L3MBTL1: variants seen among roughly 807,000 people sequenced by gnomAD.
L3MBTL1 encodes L3MBTL histone methyl-lysine binding protein 1.
In L3MBTL1, 75 loss-of-function variants were observed where a neutral mutation model predicts 105.3. That is an observed-to-expected ratio of 0.71 (90% CI 0.59 to 0.86). The LOEUF is 0.86. Among genes scored for constraint, L3MBTL1 ranks in the 40% least tolerant of loss-of-function variants. L3MBTL1 has a pLI of 0.00. For missense variants in L3MBTL1, 1,069 were observed against 1,126.4 expected, an observed-to-expected ratio of 0.95 and a Z score of 0.73; for synonymous variants, 452 against 436.2, an observed-to-expected ratio of 1.04 and a Z score of -0.45.
intron 7 of L3MBTL1, among the ~76,000 whole-genome samples, chr20:43,521,561 A>G (rs1291359502): frequency 6.6e-6 from 1 of 152,218 alleles, no homozygotes; most frequent in Non-Finnish European, 1.5e-5. Flanking sequence ...CGTGAAGATC[A>G]AGAGTTGAAG....
chr20:43,541,224 A>G lies in L3MBTL1; in HGVS notation c.*96A>G. ...TGATTTACTGCAAGGATCCTAACAC[A>G]CACTTAAAATCAAGAGCCAAGGAGT... On this transcript the variant is annotated 3_prime_UTR_variant, in exon 22 of 22. Coordinates refer to ENST00000418998, the MANE Select transcript of L3MBTL1 (RefSeq NM_001377303.1). 3 of 1,523,680 alleles carry G rather than the reference A, an allele frequency of 2.0e-6. No homozygotes were observed. The highest frequency in any genetic ancestry group is 2.6e-6 in the Non-Finnish European group (3 of 1,137,774). The allele number at this position is 1,523,680 out of a possible 1,614,324, so 94.4% of individuals were successfully genotyped here.
chr20:43,536,782 G>A (rs1044029500), intron 19 of L3MBTL1, among the ~76,000 whole-genome samples: 2 of 152,188 alleles, frequency 1.3e-5, no homozygotes, highest in Admixed American at 6.5e-5. Flanking sequence ...CTGGGAAGGA[G>A]GCCATGGCCA....
At chr20:43,527,391 T>TA (rs2019088373) in intron 7 of L3MBTL1, among the ~76,000 whole-genome samples, 2 of 152,222 alleles carry the variant, frequency 1.3e-5, no homozygotes, top group South Asian at 4.1e-4. Context: ...TAACTGGATA[T>TA]TCTAGCCTTT....
chr20:43,541,142 C>A lies in L3MBTL1; in HGVS notation c.*14C>A. 1 of 1,607,858 alleles carries A rather than the reference C, an allele frequency of 6.2e-7. No individual in the cohort carries two copies. Among genetic ancestry groups the A allele is most frequent in the Non-Finnish European group, 8.5e-7 (1 of 1,175,076 alleles). Reference sequence around the variant, plus strand: ...AGTCAATATTAAAGTGTACTTTTTTCCCCTTTAATCCAATATAGTTGATAA... The same window carrying A: ...AGTCAATATTAAAGTGTACTTTTTTACCCTTTAATCCAATATAGTTGATAA... On this transcript the variant is annotated 3_prime_UTR_variant, in exon 22 of 22. Transcript: ENST00000418998.
At chr20:43,520,125 T>G (rs1023267045) in intron 7 of L3MBTL1, among the ~76,000 whole-genome samples, 6 of 152,180 alleles carry the variant, frequency 3.9e-5, no homozygotes, top group Admixed American at 2.0e-4. Flanking sequence ...TATACCAGAT[T>G]TGCCTATTTT....
At position 43,530,294 on chromosome 20, in the gene L3MBTL1, A is replaced by C. The variant is rs773025192; in HGVS notation, c.1067A>C (p.Tyr356Ser). Residue 356 changes from tyrosine (Y) to serine (S), a missense_variant, in exon 10 of 22, where the codon TAT becomes TCT. Tyr to Ser is a moderately radical substitution (Grantham distance 144). Coordinates refer to ENST00000418998, the MANE Select transcript of L3MBTL1 (RefSeq NM_001377303.1). ...CCCTCATGGGGCCAGGTATGTGGCTATCGCCTACGCCTGCACTTTGATGGG... is the reference window on the plus strand; with the variant it reads ...CCCTCATGGGGCCAGGTATGTGGCTCTCGCCTACGCCTGCACTTTGATGGG... ...FILTVAEVCG[Y>S]RLRLHFDGYS... The C allele has an allele frequency of 6.2e-7, 1 of 1,613,846 alleles. No homozygotes were observed. The highest frequency in any genetic ancestry group is 1.3e-5 in the African/African-American group (1 of 74,888).
At chr20:43,516,308 T>G (rs2018388993) in intron 7 of L3MBTL1, 131 bp downstream of exon 7, 1 of 688,906 alleles carries the variant, frequency 1.5e-6, no homozygotes, top group Middle Eastern at 2.4e-4. Context: ...TTAGTGTGTG[T>G]GAAAGAGAGA....
chr20:43,530,683 T>G, intron 10 of L3MBTL1, 115 bp from the exon 11 acceptor site: 3 of 1,010,390 alleles, frequency 3.0e-6, no homozygotes, highest in Non-Finnish European at 4.6e-6. Flanking sequence ...GGCAAGTTCT[T>G]GAGGGTTGGG....
At position 43,536,398 on chromosome 20, in the gene L3MBTL1, T is replaced by C; in HGVS notation, c.2124-11T>C. ...GATTCCCTGCCATGGACCTGGTCCGTCTTTCTCCAGAATTGGACGCCCTCC... is the reference window on the plus strand; with the variant it reads ...GATTCCCTGCCATGGACCTGGTCCGCCTTTCTCCAGAATTGGACGCCCTCC... On this transcript the variant is annotated splice_polypyrimidine_tract_variant and intron_variant, in intron 18 of 21. Transcript: ENST00000418998. The C allele has an allele frequency of 5.0e-6, 8 of 1,614,010 alleles. No homozygotes were observed. Among genetic ancestry groups the C allele is most frequent in the Non-Finnish European group, 6.8e-6 (8 of 1,180,030 alleles).
intron 18 of L3MBTL1, among the ~76,000 whole-genome samples, chr20:43,547,130 A>T (rs1600973285): frequency 9.3e-6 from 1 of 108,108 alleles, no homozygotes; most frequent in African/African-American, 3.7e-5. Flanking sequence ...TTTGAGACGG[A>T]GTCTCGCTCT....
intron 1 of L3MBTL1, 66 bp from the exon 2 acceptor site, chr20:43,513,410 C>T: frequency 6.8e-7 from 1 of 1,463,704 alleles, no homozygotes; most frequent in Non-Finnish European, 9.1e-7. Context: ...CATCCCTTCA[C>T]ATCTCCATTG....
At chr20:43,536,719 G>C (rs896052902) in intron 19 of L3MBTL1, among the ~76,000 whole-genome samples, 1 of 152,158 alleles carries the variant, frequency 6.6e-6, no homozygotes, top group Non-Finnish European at 1.5e-5. Context: ...GGGGCCTTTG[G>C]TTCTCACTGT....
chr20:43,517,228 A>C (rs893213851), intron 7 of L3MBTL1, among the ~76,000 whole-genome samples: 1 of 151,552 alleles, frequency 6.6e-6, no homozygotes, highest in Non-Finnish European at 1.5e-5. Flanking sequence ...TCTCCTGAGT[A>C]GCTGGGACTA....
chr20:43,539,754 A>C (rs1301994320), intron 19 of L3MBTL1: 1 of 302,414 alleles, frequency 3.3e-6, no homozygotes, highest in African/African-American at 2.2e-5. Context: ...AAGAGTAAAC[A>C]GAGTGGACTT....
intron 4 of L3MBTL1, 109 bp downstream of exon 4, chr20:43,514,885 G>A: frequency 6.9e-7 from 1 of 1,456,230 alleles, no homozygotes; most frequent in South Asian, 1.3e-5. Flanking sequence ...GGGTGGAGAA[G>A]GCTGGAGGAG....
At chr20:43,533,944 TGGG>T in intron 13 of L3MBTL1, 61 bp from the exon 14 acceptor site, 2 of 1,150,796 alleles carry the variant, frequency 1.7e-6, no homozygotes, top group South Asian at 2.5e-5. Context: ...TGGTCCTGCT[TGGG>T]GGCAGAGGGC....
At chr20:43,512,404 T>C (rs2018155799) in intron 1 of L3MBTL1, among the ~76,000 whole-genome samples, 1 of 152,190 alleles carries the variant, frequency 6.6e-6, no homozygotes, top group Admixed American at 6.5e-5. Context: ...AGAGACAGGG[T>C]CTCGCTATGT....
chr20:43,515,595 A>G (rs769148512), intron 6 of L3MBTL1, 180 bp downstream of exon 6: 280 of 708,988 alleles, frequency 3.9e-4, no homozygotes, highest in Admixed American at 8.9e-4. Context: ...AGGGAAATGA[A>G]TTAATCACTC....
intron 7 of L3MBTL1, among the ~76,000 whole-genome samples, chr20:43,522,752 A>G (rs1302380947): frequency 1.3e-5 from 2 of 148,670 alleles, no homozygotes; most frequent in Admixed American, 1.3e-4. Flanking sequence ...GATTACAGGC[A>G]TGAGCCACTG....
Sources: allele counts gnomAD v4.1 joint callset (sites outside exome capture counted in the v4.1 genomes callset), GRCh38; gene constraint gnomAD v4.1.1; transcripts MANE v1.5; gene names NCBI Gene and HGNC (gene_info 2026-07-23, HGNC 2026-07-21).